PDE11A: variants seen among roughly 807,000 people sequenced by gnomAD.
The protein encoded by PDE11A is phosphodiesterase 11A, also known as dual 3',5'-cyclic-AMP and -GMP phosphodiesterase 11A.
PDE11A carries 100 observed loss-of-function variants against 100.5 expected under a neutral mutation model. The observed-to-expected ratio is 1.00, with a 90% CI of 0.85 to 1.18. The LOEUF (loss-of-function observed/expected upper bound fraction) is 1.18. PDE11A is among the 50% of genes most tolerant of loss of function. The pLI is 0.00. For missense variants in PDE11A, 1,141 were observed against 1,152.6 expected, an observed-to-expected ratio of 0.99 and a Z score of 0.15; for synonymous variants, 381 against 420.8, an observed-to-expected ratio of 0.91 and a Z score of 1.16.
At chr2:178,035,645 C>T (rs1359515681) in intron 1 of PDE11A, among the ~76,000 whole-genome samples, 7 of 152,134 alleles carry the variant, frequency 4.6e-5, no homozygotes, top group Middle Eastern at 3.2e-3. Flanking sequence ...TAGGGCAAAC[C>T]GAATCCAGCA....
chr2:177,877,177 T>A (rs1278278730), intron 4 of PDE11A, among the ~76,000 whole-genome samples: 1 of 146,712 alleles, frequency 6.8e-6, no homozygotes. Flanking sequence ...TATCTTTTTT[T>A]TTTTTTGGAC....
chr2:177,878,909 A>T (rs1354741916), intron 4 of PDE11A, among the ~76,000 whole-genome samples: 1 of 152,236 alleles, frequency 6.6e-6, no homozygotes, highest in Non-Finnish European at 1.5e-5. Flanking sequence ...ATTTGAGTAA[A>T]CACAGACTAA....
Position 177,831,748 on chromosome 2 carries a change from T to C in PDE11A, c.1500+8503A>G, listed in dbSNP as rs189567230. Among the ~76,000 whole-genome samples, 424 of 152,358 alleles carry C rather than the reference T, an allele frequency of 2.8e-3. 6 individuals are homozygous for C. The highest frequency in any genetic ancestry group is 1.0e-2 in the African/African-American group (415 of 41,596). ...CCAACACTGATCAGGAAAACCCATT[T>C]GGGCTTAATATGAACAAAAACTAAG... On this transcript the variant is annotated intron_variant, in intron 6 of 19. Coordinates refer to ENST00000286063, the MANE Select transcript of PDE11A (RefSeq NM_016953.4).
intron 2 of PDE11A, among the ~76,000 whole-genome samples, chr2:177,984,647 C>A (rs1278688228): frequency 6.6e-6 from 1 of 152,110 alleles, no homozygotes; most frequent in Non-Finnish European, 1.5e-5. Context: ...ATGTTAAGTT[C>A]TCATTAGATG....
intron 2 of PDE11A, among the ~76,000 whole-genome samples, chr2:177,916,801 C>T (rs2084959708): frequency 6.6e-6 from 1 of 151,652 alleles, no homozygotes; most frequent in Non-Finnish European, 1.5e-5. Flanking sequence ...GCTCTGTCGC[C>T]AGGGCTGGAG....
intron 2 of PDE11A, among the ~76,000 whole-genome samples, chr2:178,082,352 G>T (rs2087296654): frequency 6.6e-6 from 1 of 152,092 alleles, no homozygotes; most frequent in South Asian, 2.1e-4. Context: ...ACACCTGAAA[G>T]AAATACAATT....
chr2:177,981,254 T>G (rs2085878083), intron 2 of PDE11A, among the ~76,000 whole-genome samples: 1 of 150,616 alleles, frequency 6.6e-6, no homozygotes, highest in Non-Finnish European at 1.5e-5. Flanking sequence ...TTTACTGTAT[T>G]AGTTTCCTAG....
At position 177,728,052 on chromosome 2, in the gene PDE11A, C is replaced by T. The variant is rs539536729; in HGVS notation, c.1909G>A (p.Val637Ile). 6.2e-7 allele frequency: 1 copy of T among 1,613,326 alleles called. No homozygotes were observed. Among genetic ancestry groups the T allele is most frequent in the East Asian group, 2.2e-5 (1 of 44,858 alleles). The change falls in exon 11 of 20, where the codon GTA becomes ATA. Residue 637 changes from valine (V) to isoleucine (I), a missense_variant. Transcript: ENST00000286063. ...ALRMFMELGM[V>I]QKFKIDYETL... Reference sequence around the variant, plus strand: ...TCATAGTCAATTTTAAATTTCTGTACCATCCCCAGCTCCATGAACATCCGG... The same window carrying T: ...TCATAGTCAATTTTAAATTTCTGTATCATCCCCAGCTCCATGAACATCCGG...
intron 19 of PDE11A, among the ~76,000 whole-genome samples, chr2:177,655,955 G>C (rs1252992942): frequency 6.6e-6 from 1 of 152,036 alleles, no homozygotes; most frequent in Non-Finnish European, 1.5e-5. Flanking sequence ...ACATTTTCTG[G>C]CAATGCTGGA....
chr2:178,038,005 T>C (rs551416463), intron 1 of PDE11A, among the ~76,000 whole-genome samples: 1 of 152,028 alleles, frequency 6.6e-6, no homozygotes, highest in Admixed American at 6.6e-5. Flanking sequence ...AACCTGCATG[T>C]TCTGCACATG....
rs138112755 is a variant in PDE11A, at chr2:177,943,784, T to C, written c.1072-38597A>G. Among the ~76,000 whole-genome samples, 557 of 152,328 alleles carry C rather than the reference T, an allele frequency of 3.7e-3. 4 individuals are homozygous for C. Among genetic ancestry groups the C allele is most frequent in the South Asian group, 0.011 (52 of 4,826 alleles). ...TGTTGCCTATGCTTTTGACGTCATA[T>C]TCAAAAAACCACTGCCAAATTCAGT... On this transcript the variant is annotated intron_variant, in intron 2 of 19. Coordinates refer to ENST00000286063, the MANE Select transcript of PDE11A (RefSeq NM_016953.4).
At chr2:177,642,339 G>A (rs2080156227) in intron 19 of PDE11A, among the ~76,000 whole-genome samples, 1 of 152,192 alleles carries the variant, frequency 6.6e-6, no homozygotes, top group African/African-American at 2.4e-5. Context: ...TACATACAAG[G>A]CTGAAGTTTG....
chr2:177,786,680 G>C (rs1457558558), intron 9 of PDE11A, among the ~76,000 whole-genome samples: 1 of 152,132 alleles, frequency 6.6e-6, no homozygotes, highest in Non-Finnish European at 1.5e-5. Context: ...AACCAATACA[G>C]AGAAGTGCTT....
In PDE11A at chr2:178,104,532, A is replaced by G. The variant is rs1167947470; in HGVS notation, c.-13-56T>C. The G allele has an allele frequency of 2.8e-6, 4 of 1,434,570 alleles. No individual in the cohort carries two copies. The African/African-American group carries it at 4.3e-5, about 15-fold the overall frequency. 88.9% of individuals were successfully genotyped at this position (1,434,570 alleles called of 1,614,324 possible). On this transcript the variant is annotated intron_variant, in intron 1 of 20. Coordinates refer to the PDE11A transcript ENST00000358450. Reference sequence around the variant, plus strand: ...AAAAATATATATATTAGATTTTCAAAGCCGGGGAGAAAAAAGAATTCCATC... The same window carrying G: ...AAAAATATATATATTAGATTTTCAAGGCCGGGGAGAAAAAAGAATTCCATC...
chr2:177,795,344 A>G (rs1174100172), intron 9 of PDE11A, among the ~76,000 whole-genome samples: 2 of 152,206 alleles, frequency 1.3e-5, no homozygotes, highest in Non-Finnish European at 2.9e-5. Context: ...TACAACAGGT[A>G]GGTTTCTCCA....
upstream of PDE11A, among the ~76,000 whole-genome samples, chr2:178,075,632 A>C (rs2087198661): frequency 6.6e-6 from 1 of 151,936 alleles, no homozygotes; most frequent in Non-Finnish European, 1.5e-5. Context: ...AATATTAATA[A>C]TAGCTGGAAC....
chr2:177,906,177 A>ACACG (rs3037874), intron 2 of PDE11A, among the ~76,000 whole-genome samples: 295 of 151,152 alleles, frequency 2.0e-3, no homozygotes, highest in Middle Eastern at 0.014. Flanking sequence ...ACACACACAC[A>ACACG]CACGCACGCA....
chr2:177,648,950 TA>T (rs2080263948), intron 19 of PDE11A, among the ~76,000 whole-genome samples: 1 of 151,946 alleles, frequency 6.6e-6, no homozygotes, highest in Non-Finnish European at 1.5e-5. Context: ...AATAGAAAAA[TA>T]GGCAAAAATA....
Position 177,940,216 on chromosome 2 carries a change from A to T in PDE11A, c.1072-35029T>A, listed in dbSNP as rs1195038458. On this transcript the variant is annotated intron_variant, in intron 2 of 19. Transcript: ENST00000286063. ...ATCTGCACAGGATGAAGCTTTCCAT[A>T]ATTTTTCTTAAAACAGTATCTTTTA... 2.0e-5 allele frequency among the ~76,000 whole-genome samples: 3 copies of T among 152,160 alleles called. No individual in the cohort carries two copies. In the East Asian group the frequency reaches 5.8e-4, roughly 29 times the overall value.
Sources: gnomAD v4.1 joint callset for allele counts (sites outside exome capture counted in the v4.1 genomes callset) on GRCh38, gnomAD v4.1.1 for gene constraint, MANE v1.5 for transcripts, NCBI Gene and HGNC (gene_info 2026-07-23, HGNC 2026-07-21) for gene names.